UIMC1: variants seen among roughly 807,000 people sequenced by gnomAD.
UIMC1 encodes ubiquitin interaction motif containing 1.
UIMC1 carries 42 observed loss-of-function variants against 84.9 expected under a neutral mutation model. The ratio of observed to expected loss-of-function variants is 0.49; its 90% CI spans 0.39 to 0.64. UIMC1 has a LOEUF of 0.64. UIMC1 is among the 30% of genes least tolerant of loss of function. The probability of loss-of-function intolerance (pLI) is 0.00; values close to 1 mark genes in which losing one functional copy is unlikely to be tolerated. For missense variants in UIMC1, 825 were observed against 847.6 expected (o/e 0.97, Z 0.33); for synonymous variants, 281 against 293.0 (o/e 0.96, Z 0.42).
chr5:176,995,116 T>C (rs1187246106), intron 1 of UIMC1, among the ~76,000 whole-genome samples: 1 of 152,058 alleles, frequency 6.6e-6, no homozygotes, highest in Non-Finnish European at 1.5e-5. Flanking sequence ...CTTTTTAACT[T>C]TGCTTCAATT....
chr5:176,921,756 C>T (rs140497654), intron 10 of UIMC1, among the ~76,000 whole-genome samples: 6 of 152,306 alleles, frequency 3.9e-5, no homozygotes, highest in African/African-American at 7.2e-5. Flanking sequence ...TCCACCCCTG[C>T]TTAGTCTCCT....
intron 8 of UIMC1, among the ~76,000 whole-genome samples, chr5:176,953,299 C>A (rs1382618985): frequency 6.6e-6 from 1 of 152,240 alleles, no homozygotes; most frequent in East Asian, 1.9e-4. Context: ...CCAGTAAGTT[C>A]TCTGTTATCT....
At chr5:176,998,839 C>T (rs140291558) in intron 1 of UIMC1, among the ~76,000 whole-genome samples, 193 of 152,144 alleles carry the variant, frequency 1.3e-3, no homozygotes, top group Non-Finnish European at 2.4e-3. Flanking sequence ...TGAATGTATA[C>T]GTATTTTTCT....
chr5:176,973,358 C>T lies in UIMC1; in HGVS notation c.232+2038G>A, dbSNP rs768441246. Among the ~76,000 whole-genome samples, 12 of 151,782 alleles carry T rather than the reference C, an allele frequency of 7.9e-5. No individual in the cohort carries two copies. The East Asian group carries it at 1.4e-3, about 17-fold the overall frequency. ...ACAGACATACAATCAGTACATAAAA[C>T]GGAATACAAAGCTTATCTGTGGTAT... On this transcript the variant is annotated intron_variant, in intron 3 of 14. Coordinates refer to ENST00000511320, the MANE Select transcript of UIMC1 (RefSeq NM_001199298.2).
intron 1 of UIMC1, 75 bp from the exon 2 acceptor site, chr5:176,982,698 C>A: frequency 6.8e-7 from 1 of 1,474,960 alleles, no homozygotes; most frequent in East Asian, 2.5e-5. Flanking sequence ...TTTCTAGAAG[C>A]TATTCAACTT....
intron 2 of UIMC1, among the ~76,000 whole-genome samples, chr5:176,977,523 C>T (rs568566018): frequency 4.3e-4 from 62 of 144,710 alleles, no homozygotes; most frequent in African/African-American, 1.5e-3. Flanking sequence ...TGCAGTAAGC[C>T]GAGATCACGT....
intron 2 of UIMC1, chr5:176,980,251 T>G (rs1305811858): frequency 3.3e-5 from 5 of 152,136 alleles, no homozygotes; most frequent in Non-Finnish European, 7.3e-5. Flanking sequence ...CCTAATAAAT[T>G]CCATCCGTCT....
intron 10 of UIMC1, among the ~76,000 whole-genome samples, chr5:176,919,735 T>C (rs1220445509): frequency 1.3e-5 from 2 of 152,226 alleles, no homozygotes; most frequent in African/African-American, 4.8e-5. Context: ...GCACTACATA[T>C]TGAGAAGACT....
At chr5:176,976,094 A>C (rs1049701727) in intron 2 of UIMC1, among the ~76,000 whole-genome samples, 1 of 152,106 alleles carries the variant, frequency 6.6e-6, no homozygotes, top group Non-Finnish European at 1.5e-5. Context: ...AGGCCAGTTC[A>C]AAACCAGCCT....
intron 1 of UIMC1, among the ~76,000 whole-genome samples, chr5:176,984,866 G>A (rs939666256): frequency 2.6e-5 from 4 of 152,176 alleles, no homozygotes; most frequent in Non-Finnish European, 5.9e-5. Flanking sequence ...TGCAAGATGT[G>A]CTTTGTTAAA....
At chr5:176,952,390 C>G (rs897932672) in intron 8 of UIMC1, among the ~76,000 whole-genome samples, 4 of 152,148 alleles carry the variant, frequency 2.6e-5, no homozygotes, top group African/African-American at 9.7e-5. Context: ...TACTCGCTAT[C>G]AGTAATATGA....
At chr5:176,971,347 T>C (rs1256078083) in intron 3 of UIMC1, among the ~76,000 whole-genome samples, 1 of 152,182 alleles carries the variant, frequency 6.6e-6, no homozygotes, top group East Asian at 1.9e-4. Flanking sequence ...CCAGACACCA[T>C]TTTTCATTTA....
intron 6 of UIMC1, among the ~76,000 whole-genome samples, chr5:176,965,016 C>T (rs1393821000): frequency 6.6e-6 from 1 of 152,134 alleles, no homozygotes; most frequent in Admixed American, 6.6e-5. Flanking sequence ...AAAACAAAAG[C>T]AAAAGAGTGC....
chr5:177,021,899 C>T (rs1392335040), intron 1 of UIMC1, among the ~76,000 whole-genome samples: 1 of 152,080 alleles, frequency 6.6e-6, no homozygotes, highest in Non-Finnish European at 1.5e-5. Flanking sequence ...GATCCGCCCC[C>T]CCTTAGCCTC....
At chr5:176,965,027 C>T (rs1050261187) in intron 6 of UIMC1, among the ~76,000 whole-genome samples, 2 of 152,120 alleles carry the variant, frequency 1.3e-5, no homozygotes, top group Non-Finnish European at 1.5e-5. Flanking sequence ...AAAAGAGTGC[C>T]AAGTCTGCAG....
chr5:176,912,005 T>C (rs1354148723), intron 10 of UIMC1, among the ~76,000 whole-genome samples: 2 of 152,348 alleles, frequency 1.3e-5, no homozygotes, highest in East Asian at 1.9e-4. Context: ...TCTTAAAGGA[T>C]CTTGGAGGTT....
intron 10 of UIMC1, among the ~76,000 whole-genome samples, chr5:176,929,667 A>AGGTAGAATAT (rs1762847350): frequency 6.6e-6 from 1 of 152,222 alleles, no homozygotes; most frequent in South Asian, 2.1e-4. Flanking sequence ...ATGAATGACT[A>AGGTAGAATAT]GGTAGAATAT....
chr5:177,006,439 C>T (rs922047927), intron 1 of UIMC1: 3 of 152,130 alleles, frequency 2.0e-5, no homozygotes, highest in Middle Eastern at 3.4e-3. Flanking sequence ...CCACCCCCGA[C>T]TTCGGCAAGG....
intron 2 of UIMC1, among the ~76,000 whole-genome samples, chr5:176,977,612 A>T (rs1328682853): frequency 2.6e-5 from 4 of 151,330 alleles, no homozygotes; most frequent in Non-Finnish European, 5.9e-5. Flanking sequence ...AGAAAAAAAA[A>T]AACAGAAACA....
Sources: allele counts gnomAD v4.1 joint callset (sites outside exome capture counted in the v4.1 genomes callset), GRCh38; gene constraint gnomAD v4.1.1; transcripts MANE v1.5; gene names NCBI Gene and HGNC (gene_info 2026-07-23, HGNC 2026-07-21).